TMEM108: variants seen among roughly 807,000 people sequenced by gnomAD.
TMEM108 encodes transmembrane protein 108.
TMEM108 carries 12 observed loss-of-function variants against 35.1 expected under a neutral mutation model. That is an observed-to-expected ratio of 0.34 (90% CI 0.22 to 0.55). The LOEUF is 0.55. Among genes scored for constraint, TMEM108 ranks in the 20% least tolerant of loss-of-function variants. The probability of loss-of-function intolerance (pLI) is 0.89; values close to 1 mark genes in which losing one functional copy is unlikely to be tolerated. For missense variants in TMEM108, 680 were observed against 753.3 expected (o/e 0.90, Z 1.14); for synonymous variants, 287 against 308.6 (o/e 0.93, Z 0.73).
At chr3:133,116,923 C>T (rs1374941394) in intron 2 of TMEM108, among the ~76,000 whole-genome samples, 1 of 152,112 alleles carries the variant, frequency 6.6e-6, no homozygotes, top group Non-Finnish European at 1.5e-5. Flanking sequence ...GCGTGCACTA[C>T]CACACCTGGC....
chr3:133,268,068 G>T (rs1946723250), intron 3 of TMEM108, among the ~76,000 whole-genome samples: 1 of 152,206 alleles, frequency 6.6e-6, no homozygotes, highest in African/African-American at 2.4e-5. Flanking sequence ...AGCTGGCTAG[G>T]TACAGAGCCC....
rs1189168022 is a variant in TMEM108 at position 133,395,668 on chromosome 3, C to CCT, written c.1606-196_1606-195insCT. ...AACAGCACAAAAATTAAAATATACA[C>CCT]ATACACACACACACACAAATTAATT... On this transcript the variant is annotated intron_variant, in intron 5 of 5. Transcript: ENST00000321871. Among the ~76,000 whole-genome samples the CCT allele has an allele frequency of 9.2e-5, 14 of 151,704 alleles. No individual in the cohort carries two copies. In the East Asian group the frequency reaches 1.3e-3, roughly 15 times the overall value.
intron 3 of TMEM108, among the ~76,000 whole-genome samples, chr3:133,233,189 G>A (rs967001661): frequency 6.6e-5 from 10 of 151,690 alleles, no homozygotes; most frequent in East Asian, 1.9e-4. Context: ...ATCCCTCCCC[G>A]CTCCGCCACC....
chr3:133,098,419 A>G (rs1174306352), intron 2 of TMEM108, among the ~76,000 whole-genome samples: 1 of 152,166 alleles, frequency 6.6e-6, no homozygotes, highest in Non-Finnish European at 1.5e-5. Context: ...GACACAGTCA[A>G]ACCATATCAT....
intron 3 of TMEM108, among the ~76,000 whole-genome samples, chr3:133,252,400 T>C (rs1042182282): frequency 1.3e-5 from 2 of 152,164 alleles, no homozygotes; most frequent in African/African-American, 4.8e-5. Context: ...AGAATCTGAA[T>C]GAAAATTTTA....
chr3:133,389,572 G>C (rs2073201741), intron 4 of TMEM108: 1 of 184,620 alleles, frequency 5.4e-6, no homozygotes, highest in Non-Finnish European at 1.0e-5. Context: ...TAATATCCCA[G>C]CTTCTTGGGA....
intron 1 of TMEM108, among the ~76,000 whole-genome samples, chr3:133,039,303 T>G (rs1329407757): frequency 6.6e-6 from 1 of 152,216 alleles, no homozygotes; most frequent in Non-Finnish European, 1.5e-5. Flanking sequence ...AACAGGTTTT[T>G]CTGGGGGTAC....
At chr3:133,210,020 A>G (rs1488620500) in intron 2 of TMEM108, among the ~76,000 whole-genome samples, 1 of 152,176 alleles carries the variant, frequency 6.6e-6, no homozygotes, top group Non-Finnish European at 1.5e-5. Flanking sequence ...TTAAAACTTG[A>G]ATTGCATGAA....
intron 3 of TMEM108, among the ~76,000 whole-genome samples, chr3:133,251,967 C>G (rs1946478734): frequency 6.6e-6 from 1 of 152,140 alleles, no homozygotes; most frequent in Non-Finnish European, 1.5e-5. Context: ...GCATGTTTTT[C>G]AGACATAACT....
chr3:133,179,860 C>G lies in TMEM108; in HGVS notation c.-46-49406C>G, dbSNP rs572954627. ...TTCTTAGAAGACTAGAGCAAAATGT[C>G]TAGCCATACTTACAAGCCTTATCAA... is the stretch of plus-strand genomic sequence containing the variant. On this transcript the variant is annotated intron_variant, in intron 2 of 5. Transcript: ENST00000321871. 2.7e-3 allele frequency among the ~76,000 whole-genome samples: 405 copies of G among 148,900 alleles called. 2 individuals carry two copies. Among genetic ancestry groups the G allele is most frequent in the Non-Finnish European group, 3.6e-3 (242 of 67,030 alleles).
At chr3:133,043,414 T>A (rs1943298449) in intron 1 of TMEM108, among the ~76,000 whole-genome samples, 2 of 152,180 alleles carry the variant, frequency 1.3e-5, no homozygotes, top group Non-Finnish European at 2.9e-5. Flanking sequence ...TATTGAAGTT[T>A]GTAGGAACAT....
intron 2 of TMEM108, among the ~76,000 whole-genome samples, chr3:133,224,411 A>G (rs1946037312): frequency 6.6e-6 from 1 of 152,144 alleles, no homozygotes; most frequent in Non-Finnish European, 1.5e-5. Flanking sequence ...TGGAAAAGGA[A>G]CACAGATGTA....
chr3:133,394,816 C>G (rs1446432619), intron 5 of TMEM108, among the ~76,000 whole-genome samples: 6 of 134,652 alleles, frequency 4.5e-5, no homozygotes, highest in Admixed American at 7.7e-5. Flanking sequence ...ATGATTCATA[C>G]AGCAGTAAGT....
At chr3:133,156,752 G>C (rs926228932) in intron 2 of TMEM108, among the ~76,000 whole-genome samples, 1 of 152,178 alleles carries the variant, frequency 6.6e-6, no homozygotes, top group Admixed American at 6.5e-5. Context: ...CTCCTTTGCA[G>C]TTAGGTATGG....
intron 2 of TMEM108, among the ~76,000 whole-genome samples, chr3:133,065,135 C>T (rs888082134): frequency 3.3e-5 from 5 of 152,148 alleles, no homozygotes; most frequent in South Asian, 4.1e-4. Flanking sequence ...ATGTGATCCT[C>T]GAACATAGAG....
chr3:133,266,365 A>G (rs1946697080), intron 3 of TMEM108, among the ~76,000 whole-genome samples: 1 of 152,232 alleles, frequency 6.6e-6, no homozygotes, highest in Admixed American at 6.5e-5. Context: ...CTAGTGACTT[A>G]GAATCTTTGG....
At chr3:133,262,253 T>C (rs2107676246) in intron 3 of TMEM108, among the ~76,000 whole-genome samples, 1 of 152,378 alleles carries the variant, frequency 6.6e-6, no homozygotes, top group South Asian at 2.1e-4. Context: ...CACTTGCTTA[T>C]AATTTCATAC....
intron 2 of TMEM108, among the ~76,000 whole-genome samples, chr3:133,124,493 C>CA (rs1944390930): frequency 6.6e-6 from 1 of 152,118 alleles, no homozygotes; most frequent in Non-Finnish European, 1.5e-5. Flanking sequence ...AGCCTGTGGA[C>CA]GTTTTTTCAC....
chr3:133,305,812 A>G (rs2071027404), intron 3 of TMEM108, among the ~76,000 whole-genome samples: 1 of 152,054 alleles, frequency 6.6e-6, no homozygotes, highest in Non-Finnish European at 1.5e-5. Flanking sequence ...TTATGGTTTT[A>G]ATTTACATTT....
Sources: allele counts gnomAD v4.1 joint callset (sites outside exome capture counted in the v4.1 genomes callset), GRCh38; gene constraint gnomAD v4.1.1; transcripts MANE v1.5; gene names NCBI Gene and HGNC (gene_info 2026-07-23, HGNC 2026-07-21).